DEF8: variants seen among roughly 807,000 people sequenced by gnomAD.
DEF8 encodes DEF-8.
A neutral mutation model predicts 59.1 loss-of-function variants in DEF8; 38 were observed. That is an observed-to-expected ratio of 0.64 (90% CI 0.50 to 0.84). The LOEUF (loss-of-function observed/expected upper bound fraction) is 0.84, where lower values mean the gene tolerates loss of function less well. Ranked by LOEUF, DEF8 falls within the 40% of genes least tolerant of loss-of-function variation. The probability of loss-of-function intolerance (pLI) is 0.00; values close to 1 mark genes in which losing one functional copy is unlikely to be tolerated. For synonymous variants in DEF8, 265 were observed against 250.1 expected (o/e 1.06, Z -0.56); for missense variants, 557 against 615.2 (o/e 0.91, Z 1.00).
intron 5 of DEF8, chr16:89,958,523 T>C (rs2033583508): frequency 5.8e-6 from 1 of 170,958 alleles, no homozygotes; most frequent in Admixed American, 5.4e-5. Flanking sequence ...AGAATATTCA[T>C]GAGGAAACAG....
intron 1 of DEF8, among the ~76,000 whole-genome samples, chr16:89,949,085 C>T (rs1390066226): frequency 3.9e-5 from 4 of 102,730 alleles, no homozygotes; most frequent in South Asian, 6.5e-4. Context: ...GGGGACGGGG[C>T]CGGCGGGGAC....
At chr16:89,952,738 G>C (rs906251366) in intron 2 of DEF8, 1 of 152,246 alleles carries the variant, frequency 6.6e-6, no homozygotes. Context: ...TGTCTTCCCC[G>C]TGCCTCCCTG....
chr16:89,964,462 C>A lies in DEF8; in HGVS notation c.1144-4C>A, dbSNP rs1360657284. ...GTGCCCCAACCCCACACTGTTCCCC[C>A]CAGCGGTGCCAGGCCAAGGGCTTCG... is the stretch of plus-strand genomic sequence containing the variant. On this transcript the variant is annotated splice_region_variant and splice_polypyrimidine_tract_variant and intron_variant, in intron 11 of 12. Transcript: ENST00000563594. 1.3e-6 allele frequency: 2 copies of A among 1,584,456 alleles called. No individual in the cohort carries two copies. Among genetic ancestry groups the A allele is most frequent in the Non-Finnish European group, 1.7e-6 (2 of 1,165,840 alleles).
chr16:89,957,467 C>T, intron 4 of DEF8, 44 bp from the exon 5 acceptor site: 1 of 1,544,360 alleles, frequency 6.5e-7, no homozygotes, highest in African/African-American at 1.4e-5. Context: ...CAGGGAGCTC[C>T]TGCAGGATGG....
At position 89,964,580 on chromosome 16, in the gene DEF8, G is replaced by A. The variant is rs1178311515; in HGVS notation, c.1253+5G>A. ...CTGCTCCGCGGTCTTCCACAGGTGGGTGTGGCCTGGGCCCCGCACTCGGGG... is the reference window on the plus strand; with the variant it reads ...CTGCTCCGCGGTCTTCCACAGGTGGATGTGGCCTGGGCCCCGCACTCGGGG... On this transcript the variant is annotated splice_donor_5th_base_variant and intron_variant, in intron 12 of 12. Transcript: ENST00000563594. 2 of 1,554,874 alleles carry A rather than the reference G, an allele frequency of 1.3e-6. No homozygotes were observed. The highest frequency in any genetic ancestry group is 1.7e-6 in the Non-Finnish European group (2 of 1,151,534).
chr16:89,950,141 G>C, intron 2 of DEF8: 1 of 987,596 alleles, frequency 1.0e-6, no homozygotes, highest in Non-Finnish European at 1.2e-6. Context: ...TGCCTTCCTT[G>C]ACGCTCCTCT....
At chr16:89,963,789 C>T (rs939412001) in intron 10 of DEF8, 23 of 489,092 alleles carry the variant, frequency 4.7e-5, no homozygotes, top group Admixed American at 9.9e-5. Flanking sequence ...ACGAAACAGA[C>T]AGGAATGCTT....
Position 89,949,497 on chromosome 16 carries a change from CCTGGCAGGCGATG to C in DEF8, c.-25_-13del. 6.2e-7 allele frequency: 1 copy of C among 1,613,100 alleles called. No individual in the cohort carries two copies. Among genetic ancestry groups the C allele is most frequent in the Non-Finnish European group, 8.5e-7 (1 of 1,179,900 alleles). On this transcript the variant is annotated 5_prime_UTR_variant, in exon 2 of 13. An upstream start codon of the reference 5' UTR is lost. Coordinates refer to ENST00000563594, the MANE Select transcript of DEF8 (RefSeq NM_001242818.2). ...ATCCTGTCCCTGCGAGCCCCTGGGC[CCTGGCAGGCGATG>C]CAGGTATGGGCAGACAGGACGCTGT...
Position 89,962,137 on chromosome 16 carries a change from G to GC in DEF8, c.921+14dup. 1 of 1,610,856 alleles carries GC rather than the reference G, an allele frequency of 6.2e-7. No homozygotes were observed. The highest frequency in any genetic ancestry group is 1.7e-5 in the Admixed American group (1 of 59,838). ...TGGTGGAGATTCGCGTGAGGCTGGG[G>GC]CCATGGAAGTGGGGGGCGGGGGCGC... On this transcript the variant is annotated intron_variant, in intron 9 of 12. Transcript: ENST00000563594.
chr16:89,954,479 C>T lies in DEF8; in HGVS notation c.124+103C>T. ...GCGTCCTGCGCAGCCCTGGCTTTCC[C>T]ACGGAGCCGGCACCTGCTGGCTGTG... On this transcript the variant is annotated intron_variant, in intron 3 of 12. Coordinates refer to ENST00000563594, the MANE Select transcript of DEF8 (RefSeq NM_001242818.2). The surrounding 1 kb of genome is among the most constrained non-coding windows in gnomAD (Gnocchi z 4.3). The T allele has an allele frequency of 7.4e-7, 1 of 1,345,200 alleles. No homozygotes were observed. The highest frequency in any genetic ancestry group is 1.5e-5 in the African/African-American group (1 of 68,320). 83.3% of individuals were successfully genotyped at this position (1,345,200 alleles called of 1,614,324 possible). A position where few individuals can be genotyped will look rare whatever the true frequency, so the allele number is the denominator to read the frequency against.
chr16:89,953,068 G>A (rs2032490296), intron 2 of DEF8, among the ~76,000 whole-genome samples: 1 of 152,182 alleles, frequency 6.6e-6, no homozygotes, highest in Non-Finnish European at 1.5e-5. Context: ...TTATAATTGT[G>A]AATTATTTCA....
intron 2 of DEF8, among the ~76,000 whole-genome samples, chr16:89,951,166 G>T (rs536977054): frequency 2.0e-5 from 3 of 152,264 alleles, no homozygotes; most frequent in Non-Finnish European, 2.9e-5. Flanking sequence ...CTTACCCAAG[G>T]TCACACAGCT....
intron 10 of DEF8, 120 bp from the exon 11 acceptor site, chr16:89,964,050 G>A: frequency 7.3e-7 from 1 of 1,364,850 alleles, no homozygotes; most frequent in Admixed American, 1.7e-5. Flanking sequence ...CTGGGGCCCA[G>A]ACCCTTGTGT....
At chr16:89,955,477 C>T (rs2033006171) in intron 4 of DEF8, among the ~76,000 whole-genome samples, 1 of 152,182 alleles carries the variant, frequency 6.6e-6, no homozygotes, top group African/African-American at 2.4e-5. Context: ...AGACCCCCAC[C>T]CTCAGAGCCT....
intron 9 of DEF8, among the ~76,000 whole-genome samples, chr16:89,962,810 A>G (rs958401670): frequency 1.3e-5 from 2 of 152,222 alleles, no homozygotes; most frequent in African/African-American, 2.4e-5. Flanking sequence ...TGGCTCCAGC[A>G]TGTAGCCTCT....
At chr16:89,962,254 G>T in intron 9 of DEF8, 129 bp downstream of exon 9, 1 of 787,190 alleles carries the variant, frequency 1.3e-6, no homozygotes. Context: ...ACCTGCTTAG[G>T]GTGAGCCAGG....
chr16:89,953,440 G>C (rs983676127), intron 2 of DEF8, among the ~76,000 whole-genome samples: 7 of 152,218 alleles, frequency 4.6e-5, no homozygotes, highest in Admixed American at 4.6e-4. Context: ...GGTGGGGAAA[G>C]AGCAATTCTT....
At position 89,961,037 on chromosome 16, in the gene DEF8, G is replaced by A. The variant is rs1400761735; in HGVS notation, c.621G>A (p.Glu207=). 3.1e-6 allele frequency: 5 copies of A among 1,614,134 alleles called. No individual in the cohort carries two copies. The highest frequency in any genetic ancestry group is 1.6e-4 in the Middle Eastern group (1 of 6,062). ...AATACGAACTGAACATCTGCCCTGA[G>A]ACAGGGCTGGACAGCCAGGATTACC... ...QAEYELNICP[E]TGLDSQDYRC... The change falls in exon 7 of 13, where the codon GAG becomes GAA. Residue 207 remains glutamate (E), a synonymous_variant. Coordinates refer to ENST00000563594, the MANE Select transcript of DEF8 (RefSeq NM_001242818.2).
rs370887972 is a variant in DEF8, at chr16:89,962,001, G to A, written c.808-11G>A. 1.7e-5 allele frequency: 28 copies of A among 1,613,648 alleles called. No individual in the cohort carries two copies. In the African/African-American group the frequency reaches 2.8e-4, roughly 16 times the overall value. On this transcript the variant is annotated splice_polypyrimidine_tract_variant and intron_variant, in intron 8 of 12. Transcript: ENST00000563594. ...TGGGTGTGAGAGGTGTCACCCGGCC[G>A]TGCCTGGCAGGTTTCTCGCTGCAGC...
Sources: allele counts gnomAD v4.1 joint callset (sites outside exome capture counted in the v4.1 genomes callset), GRCh38; gene constraint gnomAD v4.1.1; non-coding constraint Gnocchi (gnomAD v3.1); transcripts MANE v1.5; gene names NCBI Gene and HGNC (gene_info 2026-07-23, HGNC 2026-07-21).